NNT: variants seen among roughly 807,000 people sequenced by gnomAD.
NNT encodes NAD(P) transhydrogenase, mitochondrial.
A neutral mutation model predicts 104.8 loss-of-function variants in NNT; 50 were observed. That is an observed-to-expected ratio of 0.48 (90% CI 0.38 to 0.60). The LOEUF (loss-of-function observed/expected upper bound fraction) is 0.60, where lower values mean the gene tolerates loss of function less well. Among genes scored for constraint, NNT ranks in the 20% least tolerant of loss-of-function variants. NNT has a pLI of 0.00. For synonymous variants in NNT, 461 were observed against 490.4 expected (o/e 0.94, Z 0.79); for missense variants, 1,131 against 1,330.7 (o/e 0.85, Z 2.33).
intron 19 of NNT, among the ~76,000 whole-genome samples, chr5:43,699,214 G>A (rs569992664): frequency 6.4e-4 from 97 of 151,954 alleles, no homozygotes; most frequent in African/African-American, 2.1e-3. Flanking sequence ...CTCTGCTTGT[G>A]TATTACCCAC....
chr5:43,689,066 G>T (rs1365067445), intron 19 of NNT, among the ~76,000 whole-genome samples: 1 of 152,026 alleles, frequency 6.6e-6, no homozygotes, highest in Non-Finnish European at 1.5e-5. Context: ...ATTATTTTTT[G>T]ATTATGTTCA....
intron 17 of NNT, among the ~76,000 whole-genome samples, chr5:43,671,331 G>A (rs377281624): frequency 6.6e-6 from 1 of 152,128 alleles, no homozygotes; most frequent in South Asian, 2.1e-4. Flanking sequence ...TTATTATGAT[G>A]TTAGCTGGTT....
chr5:43,643,453 A>G (rs907862119), intron 7 of NNT, among the ~76,000 whole-genome samples: 4 of 152,204 alleles, frequency 2.6e-5, no homozygotes, highest in African/African-American at 9.6e-5. Flanking sequence ...GAACTATTAA[A>G]TGAGGAGAAT....
chr5:43,694,539 A>G (rs965673102), intron 19 of NNT, among the ~76,000 whole-genome samples: 6 of 152,160 alleles, frequency 3.9e-5, no homozygotes, highest in African/African-American at 7.2e-5. Flanking sequence ...TGAGATAATC[A>G]TGTGGTTTCT....
intron 14 of NNT, among the ~76,000 whole-genome samples, chr5:43,654,353 C>T (rs1739928097): frequency 6.6e-6 from 1 of 152,194 alleles, no homozygotes; most frequent in Non-Finnish European, 1.5e-5. Context: ...GTTAATGATG[C>T]AGCTTAAACT....
rs1476817864 is a variant in NNT at position 43,705,963 on chromosome 5, G to C, written c.*1559G>C. 1 of 151,994 alleles carries C rather than the reference G, an allele frequency of 6.6e-6. No individual in the cohort carries two copies. The highest frequency in any genetic ancestry group is 1.5e-5 in the Non-Finnish European group (1 of 67,970). 9.4% of individuals were successfully genotyped at this position (151,994 alleles called of 1,614,324 possible). A position where few individuals can be genotyped will look rare whatever the true frequency, so the allele number is the denominator to read the frequency against. The stretch of plus-strand genomic sequence containing the variant: ...CTGCCCTTTTTCTTCTCTCAAAGTA[G>C]TTGTAGTTATATCTAGAAAGAAGCA... On this transcript the variant is annotated 3_prime_UTR_variant, in exon 22 of 22. Transcript: ENST00000344920.
intron 19 of NNT, among the ~76,000 whole-genome samples, chr5:43,698,643 A>G (rs912364223): frequency 6.6e-6 from 1 of 152,154 alleles, no homozygotes; most frequent in East Asian, 1.9e-4. Context: ...GAAATATGCC[A>G]TAGGAACTTA....
At chr5:43,631,491 G>A (rs1750675293) in intron 7 of NNT, among the ~76,000 whole-genome samples, 1 of 152,174 alleles carries the variant, frequency 6.6e-6, no homozygotes, top group Non-Finnish European at 1.5e-5. Flanking sequence ...GAAGTTATGA[G>A]AGGATTAGAT....
intron 19 of NNT, among the ~76,000 whole-genome samples, chr5:43,699,656 C>T (rs1163593134): frequency 6.6e-6 from 1 of 152,122 alleles, no homozygotes; most frequent in African/African-American, 2.4e-5. Flanking sequence ...GCCCAGCCAT[C>T]TCCCTACCTT....
chr5:43,689,834 T>C (rs770281791), intron 19 of NNT, among the ~76,000 whole-genome samples: 3 of 152,130 alleles, frequency 2.0e-5, no homozygotes, highest in Non-Finnish European at 4.4e-5. Context: ...TCACAACCTC[T>C]GGAAATTAAG....
chr5:43,681,550 C>T (rs1023394223), intron 19 of NNT, among the ~76,000 whole-genome samples: 3 of 152,048 alleles, frequency 2.0e-5, no homozygotes, highest in Admixed American at 2.0e-4. Context: ...CAGGCGCATA[C>T]CACCACACCT....
Position 43,644,804 on chromosome 5 carries a change from T to G in NNT, c.1290+2T>G. 1 of 1,607,278 alleles carries G rather than the reference T, an allele frequency of 6.2e-7. No homozygotes were observed. The highest frequency in any genetic ancestry group is 1.1e-5 in the South Asian group (1 of 90,400). On this transcript the variant is annotated splice_donor_variant, in intron 9 of 21. Coordinates refer to ENST00000344920, the MANE Select transcript of NNT (RefSeq NM_182977.3). LOFTEE classifies it high-confidence loss of function. Reference sequence around the variant, plus strand: ...ATTAGAGGAACTGTAGTGATGAAAGTAAGTAAAGAGATCTATTCCTTCCTT... The same window carrying G: ...ATTAGAGGAACTGTAGTGATGAAAGGAAGTAAAGAGATCTATTCCTTCCTT...
At chr5:43,648,981 C>T (rs1033236422) in intron 10 of NNT, among the ~76,000 whole-genome samples, 166 bp from the exon 11 acceptor site, 1 of 152,170 alleles carries the variant, frequency 6.6e-6, no homozygotes, top group Non-Finnish European at 1.5e-5. Context: ...AGTATTCCTC[C>T]ATCCCCCCAC....
chr5:43,616,127 G>A (rs1749773679), intron 4 of NNT, 62 bp downstream of exon 4: 2 of 1,290,156 alleles, frequency 1.6e-6, no homozygotes, highest in South Asian at 1.3e-5. Context: ...CCTTCACACT[G>A]TAGCTCTTCT....
chr5:43,657,490 G>A (rs970281208), intron 16 of NNT, among the ~76,000 whole-genome samples: 5 of 152,040 alleles, frequency 3.3e-5, no homozygotes, highest in East Asian at 1.9e-4. Context: ...TGTGTAATCC[G>A]TAGACAAGGT....
At chr5:43,615,210 A>G (rs539862854) in intron 3 of NNT, among the ~76,000 whole-genome samples, 88 of 152,388 alleles carry the variant, frequency 5.8e-4, no homozygotes, top group Admixed American at 2.8e-3. Flanking sequence ...ACTTTCAAGC[A>G]TATGGAGTGT....
chr5:43,606,751 C>T (rs1312831057), intron 1 of NNT, among the ~76,000 whole-genome samples: 1 of 152,172 alleles, frequency 6.6e-6, no homozygotes, highest in Non-Finnish European at 1.5e-5. Context: ...TACTCTGTTA[C>T]TCTACTTTGT....
At position 43,656,022 on chromosome 5, in the gene NNT, A is replaced by G. The variant is rs768313884; in HGVS notation, c.2242A>G (p.Ile748Val). The G allele has an allele frequency of 1.9e-6, 3 of 1,614,210 alleles. No homozygotes were observed. Residue 748 changes from isoleucine (I) to valine (V), a missense_variant, in exon 15 of 22, where the codon ATT becomes GTT. Transcript: ENST00000344920. ...TKIVAYLGTY[I>V]GGVTFSGSLI... ...GATTGTGGCCTACCTCGGCACTTAC[A>G]TTGGTGGCGTCACCTTTAGTGGGTC...
At chr5:43,605,152 T>C (rs937207542) in intron 1 of NNT, among the ~76,000 whole-genome samples, 6 of 152,206 alleles carry the variant, frequency 3.9e-5, no homozygotes, top group African/African-American at 1.4e-4. Context: ...CCTCAAGGAT[T>C]TTAATATCTA....
Sources: allele counts gnomAD v4.1 joint callset (sites outside exome capture counted in the v4.1 genomes callset), GRCh38; gene constraint gnomAD v4.1.1; transcripts MANE v1.5; gene names NCBI Gene and HGNC (gene_info 2026-07-23, HGNC 2026-07-21).